The following ADAMTS16 variants were observed in gnomAD, a reference collection of about 807,000 sequenced individuals.
ADAMTS16 encodes the protein ADAM metallopeptidase with thrombospondin type 1 motif 16.
In ADAMTS16, 94 loss-of-function variants were observed where a neutral mutation model predicts 145.8. The observed-to-expected ratio is 0.64, with a 90% CI of 0.55 to 0.77. ADAMTS16 has a LOEUF of 0.77. Ranked by LOEUF, ADAMTS16 falls within the 30% of genes least tolerant of loss-of-function variation. The pLI is 0.00. For synonymous variants in ADAMTS16, 659 were observed against 604.3 expected, an observed-to-expected ratio of 1.09 and a Z score of -1.33; for missense variants, 1,585 against 1,591.5, an observed-to-expected ratio of 1.00 and a Z score of 0.07.
intron 17 of ADAMTS16, among the ~76,000 whole-genome samples, chr5:5,262,175 T>A (rs1003407529): frequency 6.6e-6 from 1 of 152,248 alleles, no homozygotes; most frequent in African/African-American, 2.4e-5. Flanking sequence ...CCTTTCAGAT[T>A]TAGCTCTGTG....
chr5:5,165,824 G>A (rs1322807842), intron 3 of ADAMTS16, among the ~76,000 whole-genome samples: 1 of 152,152 alleles, frequency 6.6e-6, no homozygotes, highest in African/African-American at 2.4e-5. Flanking sequence ...TATAGGTCCA[G>A]GTGACAACCC....
chr5:5,221,320 G>A (rs748729032), intron 10 of ADAMTS16, among the ~76,000 whole-genome samples: 12 of 151,986 alleles, frequency 7.9e-5, no homozygotes, highest in South Asian at 4.2e-4. Context: ...AGTAATGAAC[G>A]TAATTAAAGC....
intron 3 of ADAMTS16, among the ~76,000 whole-genome samples, chr5:5,180,549 C>T (rs1735312244): frequency 2.0e-5 from 3 of 152,152 alleles, no homozygotes; most frequent in Admixed American, 2.0e-4. Context: ...GAGGCTTTTC[C>T]CCCTGAAGAT....
At chr5:5,305,210 C>T (rs1241916856) in intron 20 of ADAMTS16, among the ~76,000 whole-genome samples, 2 of 78,528 alleles carry the variant, frequency 2.5e-5, no homozygotes, top group Admixed American at 1.2e-4. Flanking sequence ...CACACATCCA[C>T]ACCACACACA....
chr5:5,202,928 G>T (rs367940196), intron 9 of ADAMTS16, among the ~76,000 whole-genome samples: 4 of 152,266 alleles, frequency 2.6e-5, no homozygotes, highest in African/African-American at 9.6e-5. Context: ...GTTGAAAATA[G>T]AATGCCATCT....
At chr5:5,210,142 TTC>T in intron 10 of ADAMTS16, among the ~76,000 whole-genome samples, 1 of 152,324 alleles carries the variant, frequency 6.6e-6, no homozygotes, top group Admixed American at 6.5e-5. Flanking sequence ...GCAGCAGACA[TTC>T]TCAATACTGC....
At chr5:5,216,009 C>A (rs1736429361) in intron 10 of ADAMTS16, among the ~76,000 whole-genome samples, 1 of 149,944 alleles carries the variant, frequency 6.7e-6, no homozygotes, top group South Asian at 2.1e-4. Context: ...CATGTATGTG[C>A]AAGTATCTTT....
At chr5:5,243,801 A>C (rs1027299256) in intron 17 of ADAMTS16, among the ~76,000 whole-genome samples, 1 of 152,196 alleles carries the variant, frequency 6.6e-6, no homozygotes, top group Non-Finnish European at 1.5e-5. Context: ...TCAAGCATTC[A>C]GGGGAACTCA....
chr5:5,239,241 A>G lies in ADAMTS16; in HGVS notation c.2245A>G (p.Arg749Gly), dbSNP rs780480935. Residue 749 changes from arginine (R) to glycine (G), a missense_variant, in exon 15 of 23, where the codon AGG becomes GGG. Transcript: ENST00000274181. ...GAATAACTCAGCCTGCACGATTCAC[A>G]GGGGTCTCTACACCAAGCACCACCA... ...NGNNSACTIH[R>G]GLYTKHHHTN... The G allele has an allele frequency of 6.3e-7, 1 of 1,598,806 alleles. No homozygotes were observed. The highest frequency in any genetic ancestry group is 8.5e-7 in the Non-Finnish European group (1 of 1,173,782).
intron 11 of ADAMTS16, among the ~76,000 whole-genome samples, chr5:5,229,304 C>CAA (rs1195176050): frequency 0.22 from 16,783 of 75,336 alleles, 2,430 homozygotes; most frequent in African/African-American, 0.35. Context: ...GACTCCGTCT[C>CAA]AAAAAAAAAA....
At chr5:5,203,047 T>G (rs1736004916) in intron 9 of ADAMTS16, among the ~76,000 whole-genome samples, 1 of 152,230 alleles carries the variant, frequency 6.6e-6, no homozygotes, top group Non-Finnish European at 1.5e-5. Flanking sequence ...TGTGCTGATG[T>G]GTTTTTGTGT....
chr5:5,147,337 G>A (rs1186674336), intron 3 of ADAMTS16, among the ~76,000 whole-genome samples: 2 of 152,080 alleles, frequency 1.3e-5, no homozygotes, highest in African/African-American at 2.4e-5. Flanking sequence ...GGTCTGGGAC[G>A]TTTATTGCTT....
At chr5:5,242,438 A>T (rs1473473189) in intron 17 of ADAMTS16, among the ~76,000 whole-genome samples, 1 of 152,142 alleles carries the variant, frequency 6.6e-6, no homozygotes, top group East Asian at 1.9e-4. Context: ...CCTACTTTCC[A>T]TCTAATTTAA....
At chr5:5,315,889 G>A (rs538179449) in intron 21 of ADAMTS16, among the ~76,000 whole-genome samples, 1 of 152,270 alleles carries the variant, frequency 6.6e-6, no homozygotes, top group South Asian at 2.1e-4. Context: ...TGAAGCAAAG[G>A]GAGTAAGCCT....
At chr5:5,185,161 CA>C (rs752476660) in intron 4 of ADAMTS16, among the ~76,000 whole-genome samples, 63 of 152,142 alleles carry the variant, frequency 4.1e-4, no homozygotes, top group Non-Finnish European at 7.3e-4. Context: ...TATTATTCTC[CA>C]AAAGCTTTAT....
Position 5,191,784 on chromosome 5 carries a change from G to C in ADAMTS16, c.1307G>C (p.Gly436Ala). Residue 436 changes from glycine (G) to alanine (A), a missense_variant, in exon 8 of 23, where the codon GGA becomes GCA. Coordinates refer to ENST00000274181, the MANE Select transcript of ADAMTS16 (RefSeq NM_139056.4). ...GCCTTCACCATTGCCCATGAGTCTGGACACAAGTAAGTGCATCTCCATGGG... is the reference window on the plus strand; with the variant it reads ...GCCTTCACCATTGCCCATGAGTCTGCACACAAGTAAGTGCATCTCCATGGG... ...GLAFTIAHES[G>A]HNFGMIHDGE... is the part of the protein sequence containing the mutation. 1 of 1,610,202 alleles carries C rather than the reference G, an allele frequency of 6.2e-7. No homozygotes were observed. Among genetic ancestry groups the C allele is most frequent in the East Asian group, 2.2e-5 (1 of 44,814 alleles).
At chr5:5,304,585 C>T (rs1191424036) in intron 20 of ADAMTS16, among the ~76,000 whole-genome samples, 1 of 152,072 alleles carries the variant, frequency 6.6e-6, no homozygotes, top group Non-Finnish European at 1.5e-5. Context: ...GGGAGGGACC[C>T]GGATCTCATC....
At chr5:5,199,254 T>C (rs1735891760) in intron 8 of ADAMTS16, among the ~76,000 whole-genome samples, 1 of 152,164 alleles carries the variant, frequency 6.6e-6, no homozygotes, top group South Asian at 2.1e-4. Flanking sequence ...CGGCTCCATT[T>C]TCTCAGGTGT....
intron 18 of ADAMTS16, among the ~76,000 whole-genome samples, chr5:5,286,580 C>T (rs1449506498): frequency 6.6e-6 from 1 of 151,970 alleles, no homozygotes; most frequent in Non-Finnish European, 1.5e-5. Flanking sequence ...AGTTTTTAGC[C>T]AGGTGAGGTG....
Sources: allele counts gnomAD v4.1 joint callset (sites outside exome capture counted in the v4.1 genomes callset), GRCh38; gene constraint gnomAD v4.1.1; transcripts MANE v1.5; gene names NCBI Gene and HGNC (gene_info 2026-07-23, HGNC 2026-07-21).